SEMA6D: variants seen among roughly 807,000 people sequenced by gnomAD.
SEMA6D encodes semaphorin 6D, also known as semaphorin-6D.
Under a neutral mutation model 106.6 loss-of-function variants are expected in SEMA6D, and 35 were observed. The observed-to-expected ratio is 0.33, with a 90% CI of 0.25 to 0.44. SEMA6D has a LOEUF of 0.44. SEMA6D is among the 20% of genes least tolerant of loss of function. The pLI is 1.00. For synonymous variants in SEMA6D, 499 were observed against 487.7 expected (o/e 1.02, Z -0.31); for missense variants, 1,185 against 1,345.9 (o/e 0.88, Z 1.87).
chr15:47,291,853 T>G (rs1279639922), intron 1 of SEMA6D, among the ~76,000 whole-genome samples: 1 of 152,264 alleles, frequency 6.6e-6, no homozygotes, highest in African/African-American at 2.4e-5. Context: ...TTAGCTGTTC[T>G]TTATTTCTCT....
chr15:47,352,985 G>A (rs529087699), intron 1 of SEMA6D, among the ~76,000 whole-genome samples: 5 of 152,054 alleles, frequency 3.3e-5, no homozygotes, highest in Non-Finnish European at 7.4e-5. Context: ...CTATACAAAT[G>A]TTTATTTAAC....
intron 1 of SEMA6D, among the ~76,000 whole-genome samples, chr15:47,209,565 C>T (rs922103204): frequency 2.6e-5 from 4 of 152,172 alleles, no homozygotes; most frequent in African/African-American, 4.8e-5. Flanking sequence ...TTCACTGCTA[C>T]GCTGTAACAT....
intron 1 of SEMA6D, among the ~76,000 whole-genome samples, chr15:47,341,983 C>T (rs572263230): frequency 3.3e-5 from 5 of 151,804 alleles, no homozygotes; most frequent in Non-Finnish European, 5.9e-5. Context: ...TCCATGTCTT[C>T]CCTAGCACAT....
chr15:47,631,765 A>G (rs929583010), intron 4 of SEMA6D, among the ~76,000 whole-genome samples: 4 of 151,974 alleles, frequency 2.6e-5, no homozygotes, highest in Non-Finnish European at 4.4e-5. Flanking sequence ...AGATCTCCAG[A>G]ACTATAAGAG....
intron 1 of SEMA6D, among the ~76,000 whole-genome samples, chr15:47,374,861 A>G (rs1281176889): frequency 2.6e-5 from 4 of 152,164 alleles, no homozygotes; most frequent in Non-Finnish European, 5.9e-5. Context: ...AGGTAAGAAA[A>G]TGGTGGCTAA....
rs2040056819 is a variant in SEMA6D, at chr15:47,392,136, C to G, written c.-238-20257C>G. On this transcript the variant is annotated intron_variant, in intron 1 of 19. Transcript: ENST00000558014. ...CTCGTTCACAACTGAAGTTCCTCATCTGAAACATAGGGCACAGAAAACGAT... is the reference window on the plus strand; with the variant it reads ...CTCGTTCACAACTGAAGTTCCTCATGTGAAACATAGGGCACAGAAAACGAT... Among the ~76,000 whole-genome samples, 4 of 152,176 alleles carry G rather than the reference C, an allele frequency of 2.6e-5. No homozygotes were observed. In the South Asian group the frequency reaches 8.3e-4, roughly 31 times the overall value.
intron 3 of SEMA6D, among the ~76,000 whole-genome samples, chr15:47,550,761 A>G (rs1370925149): frequency 1.3e-5 from 2 of 152,182 alleles, no homozygotes; most frequent in African/African-American, 4.8e-5. Flanking sequence ...CAAGAGGTAC[A>G]TGCTGCCTGT....
chr15:47,569,928 G>A (rs554211241), intron 3 of SEMA6D, among the ~76,000 whole-genome samples: 1 of 152,050 alleles, frequency 6.6e-6, no homozygotes, highest in East Asian at 1.9e-4. Flanking sequence ...GGGCGTGGTG[G>A]TGGGTGCCGG....
At chr15:47,443,966 A>G (rs2140832786) in intron 2 of SEMA6D, among the ~76,000 whole-genome samples, 1 of 152,250 alleles carries the variant, frequency 6.6e-6, no homozygotes, top group South Asian at 2.1e-4. Context: ...ATGATAAACA[A>G]ATTGATGATT....
intron 4 of SEMA6D, among the ~76,000 whole-genome samples, chr15:47,683,301 G>T (rs2145624042): frequency 6.6e-6 from 1 of 152,216 alleles, no homozygotes; most frequent in African/African-American, 2.4e-5. Context: ...CCATTTGAGA[G>T]CATGCAGTAT....
chr15:47,679,078 A>T (rs1018543696), intron 4 of SEMA6D, among the ~76,000 whole-genome samples: 1 of 152,254 alleles, frequency 6.6e-6, no homozygotes, highest in Non-Finnish European at 1.5e-5. Context: ...GTCCGATGTT[A>T]TACACTGTGT....
At chr15:47,354,203 A>C (rs201086702) in intron 1 of SEMA6D, among the ~76,000 whole-genome samples, 8,568 of 30,208 alleles carry the variant, frequency 0.28, 325 homozygotes, top group East Asian at 0.45. Flanking sequence ...CTCTCTCTAT[A>C]TATATATATA....
chr15:47,365,169 C>T (rs898918416), intron 1 of SEMA6D, among the ~76,000 whole-genome samples: 2 of 152,180 alleles, frequency 1.3e-5, no homozygotes, highest in Admixed American at 6.5e-5. Context: ...AAAGAGACGA[C>T]CTGCTGATCA....
chr15:47,394,379 A>G (rs1179478664), intron 1 of SEMA6D, among the ~76,000 whole-genome samples: 1 of 152,184 alleles, frequency 6.6e-6, no homozygotes, highest in Non-Finnish European at 1.5e-5. Context: ...GTCTTTTCTC[A>G]ATTACATTTA....
intron 1 of SEMA6D, among the ~76,000 whole-genome samples, chr15:47,276,204 G>A (rs975315727): frequency 1.3e-5 from 2 of 152,142 alleles, no homozygotes; most frequent in African/African-American, 4.8e-5. Context: ...ATGTCAAAGT[G>A]AAGCAGCAAA....
In SEMA6D at chr15:47,772,346, T is replaced by TTGTGTGCG. The variant is rs2082662275; in HGVS notation, c.*567_*568insCGTGTGTG. 1.2e-5 allele frequency: 1 copy of TTGTGTGCG among 83,720 alleles called. No individual in the cohort carries two copies. The highest frequency in any genetic ancestry group is 2.4e-5 in the Non-Finnish European group (1 of 42,528). 5.2% of individuals were successfully genotyped at this position (83,720 alleles called of 1,614,324 possible). On this transcript the variant is annotated 3_prime_UTR_variant, in exon 19 of 19. Coordinates refer to ENST00000536845, the MANE Select transcript of SEMA6D (RefSeq NM_001358351.3). ...CTTTTTCATGCCACCAACAAACTTG[T>TTGTGTGCG]TGTGTGTGTGCGTGTGTGTGTGTGT...
chr15:47,588,550 C>T (rs138328656), intron 3 of SEMA6D, among the ~76,000 whole-genome samples: 33 of 152,316 alleles, frequency 2.2e-4, no homozygotes, highest in African/African-American at 7.7e-4. Flanking sequence ...GAACTGCACA[C>T]ATCTGAAACC....
intron 1 of SEMA6D, among the ~76,000 whole-genome samples, chr15:47,190,614 A>G (rs1231777394): frequency 2.0e-5 from 3 of 152,202 alleles, no homozygotes; most frequent in Non-Finnish European, 1.5e-5. Context: ...AAGTAAGTCC[A>G]TTTATTCTGA....
At chr15:47,394,506 G>A (rs1328220739) in intron 1 of SEMA6D, among the ~76,000 whole-genome samples, 12 of 152,146 alleles carry the variant, frequency 7.9e-5, no homozygotes, top group African/African-American at 4.8e-5. Flanking sequence ...ATGTGCAAAG[G>A]AAGACTTGAA....
Sources: allele counts gnomAD v4.1 joint callset (sites outside exome capture counted in the v4.1 genomes callset), GRCh38; gene constraint gnomAD v4.1.1; transcripts MANE v1.5; gene names NCBI Gene and HGNC (gene_info 2026-07-23, HGNC 2026-07-21).